The following ENTPD3 variants were observed in gnomAD, a reference collection of about 807,000 sequenced individuals.
The protein encoded by ENTPD3 is ectonucleoside triphosphate diphosphohydrolase 3.
In ENTPD3, 60 loss-of-function variants were observed where a neutral mutation model predicts 51.2. The observed-to-expected ratio is 1.17, with a 90% CI of 0.95 to 1.45. The LOEUF is 1.45. Among genes scored for constraint, ENTPD3 ranks in the 40% most tolerant of loss-of-function variants. ENTPD3 has a pLI of 0.00. For synonymous variants in ENTPD3, 221 were observed against 238.4 expected (o/e 0.93, Z 0.67); for missense variants, 593 against 641.1 (o/e 0.93, Z 0.81).
intron 3 of ENTPD3, among the ~76,000 whole-genome samples, chr3:40,397,322 G>T (rs865945648): frequency 6.6e-6 from 1 of 151,326 alleles, no homozygotes; most frequent in African/African-American, 2.4e-5. Flanking sequence ...AAACATCATG[G>T]CTATGATTAC....
intron 4 of ENTPD3, among the ~76,000 whole-genome samples, chr3:40,403,209 C>T (rs555015664): frequency 3.3e-5 from 5 of 152,244 alleles, no homozygotes; most frequent in Non-Finnish European, 7.4e-5. Context: ...ATCATCTGCC[C>T]TCCGAGGAGG....
chr3:40,413,624 A>G (rs1460044490), intron 5 of ENTPD3, among the ~76,000 whole-genome samples: 1 of 152,176 alleles, frequency 6.6e-6, no homozygotes, highest in Non-Finnish European at 1.5e-5. Context: ...CCAGTCTTTC[A>G]GTGAGAAATA....
chr3:40,409,028 G>T (rs1955567135), intron 4 of ENTPD3, among the ~76,000 whole-genome samples: 1 of 152,008 alleles, frequency 6.6e-6, no homozygotes, highest in African/African-American at 2.4e-5. Flanking sequence ...GAGGCCAAGT[G>T]GATCAGCTGA....
chr3:40,410,186 A>G (rs1162119509), intron 4 of ENTPD3, among the ~76,000 whole-genome samples: 1 of 152,220 alleles, frequency 6.6e-6, no homozygotes, highest in Non-Finnish European at 1.5e-5. Flanking sequence ...CACACCTGTA[A>G]TCCCAGCACT....
chr3:40,394,034 GC>G (rs1255490603), intron 3 of ENTPD3, among the ~76,000 whole-genome samples: 1 of 104,476 alleles, frequency 9.6e-6, no homozygotes, highest in Non-Finnish European at 1.7e-5. Context: ...GGGCAACAGA[GC>G]GAGACTCTGT....
At chr3:40,405,883 G>A (rs1955482973) in intron 4 of ENTPD3, among the ~76,000 whole-genome samples, 1 of 152,186 alleles carries the variant, frequency 6.6e-6, no homozygotes. Context: ...GAGATGTATA[G>A]TGGTTTGAAA....
intron 4 of ENTPD3, 113 bp downstream of exon 4, chr3:40,401,124 G>GGACT: frequency 1.3e-6 from 1 of 776,252 alleles, no homozygotes; most frequent in Admixed American, 2.0e-5. Flanking sequence ...AATGAGCATT[G>GGACT]GACTGGGAGT....
At chr3:40,397,921 C>T (rs942859076) in intron 3 of ENTPD3, among the ~76,000 whole-genome samples, 2 of 152,126 alleles carry the variant, frequency 1.3e-5, no homozygotes, top group Non-Finnish European at 2.9e-5. Context: ...ACTTTTTATC[C>T]GAACATCACC....
intron 7 of ENTPD3, among the ~76,000 whole-genome samples, chr3:40,420,241 CTT>C (rs879525041): frequency 2.1e-5 from 3 of 140,810 alleles, no homozygotes; most frequent in Non-Finnish European, 1.6e-5. Flanking sequence ...TTCTTTTTTT[CTT>C]TTTTTTTTTG....
At chr3:40,397,827 C>T (rs1698197156) in intron 3 of ENTPD3, among the ~76,000 whole-genome samples, 2 of 152,120 alleles carry the variant, frequency 1.3e-5, no homozygotes. Flanking sequence ...AGACTGCTTC[C>T]TTTCAGTTAA....
chr3:40,396,552 G>T (rs1268624222), intron 3 of ENTPD3, among the ~76,000 whole-genome samples: 2 of 152,074 alleles, frequency 1.3e-5, no homozygotes, highest in Non-Finnish European at 2.9e-5. Context: ...TTTATGTGAG[G>T]TTATGGTCAG....
At chr3:40,414,877 G>A (rs1955709411) in intron 6 of ENTPD3, 37 bp downstream of exon 6, 6 of 1,608,484 alleles carry the variant, frequency 3.7e-6, no homozygotes, top group South Asian at 3.3e-5. Flanking sequence ...TAATCTTACT[G>A]TTTATCCTAT....
intron 7 of ENTPD3, among the ~76,000 whole-genome samples, chr3:40,417,291 T>G (rs1955768231): frequency 6.6e-6 from 1 of 152,004 alleles, no homozygotes; most frequent in African/African-American, 2.4e-5. Context: ...AGAAAAGAGG[T>G]TTGTTTAATT....
chr3:40,416,053 T>A lies in ENTPD3; in HGVS notation c.811T>A (p.Phe271Ile), dbSNP rs1422797327. 6.2e-7 allele frequency: 1 copy of A among 1,613,816 alleles called. No individual in the cohort carries two copies. Among genetic ancestry groups the A allele is most frequent in the South Asian group, 1.1e-5 (1 of 91,034 alleles). Residue 271 changes from phenylalanine to isoleucine, a missense_variant, in exon 7 of 11, where the codon TTT becomes ATT. Phe to Ile is a conservative substitution (Grantham distance 21, BLOSUM62 0). Coordinates refer to ENST00000301825, the MANE Select transcript of ENTPD3 (RefSeq NM_001248.4). ...TGGCCGGAATGAGGCTGAGAAGAAG[T>A]TTCTGGCAATGCTCCTGCAGGTACT... ...CYGRNEAEKK[F>I]LAMLLQNSPT...
At chr3:40,406,212 T>C (rs1012551833) in intron 4 of ENTPD3, among the ~76,000 whole-genome samples, 1 of 151,994 alleles carries the variant, frequency 6.6e-6, no homozygotes, top group African/African-American at 2.4e-5. Flanking sequence ...CAATGGGCCA[T>C]GTAAATGTGT....
In ENTPD3 at chr3:40,423,734, A is replaced by G. The variant is rs939054649; in HGVS notation, c.1216-92A>G. 1.1e-5 allele frequency: 16 copies of G among 1,423,778 alleles called. No individual in the cohort carries two copies. The Admixed American group carries it at 3.1e-4, about 27-fold the overall frequency. The allele number at this position is 1,423,778 out of a possible 1,614,324, so 88.2% of individuals were successfully genotyped here. On this transcript the variant is annotated intron_variant, in intron 9 of 10. Transcript: ENST00000301825. ...ATTTTCTATTATGAAATTATGGGTGATAAGATTCTTTAAAACATGACTTTT... is the reference window on the plus strand; with the variant it reads ...ATTTTCTATTATGAAATTATGGGTGGTAAGATTCTTTAAAACATGACTTTT...
rs185381208 is a variant in ENTPD3, at chr3:40,423,230, T to C, written c.1105-61T>C. ...TAGCCACCTTCTTATTCCTCACCCA[T>C]AAACCTTTCTATTATACCCCATTCT... is the stretch of plus-strand genomic sequence containing the variant. On this transcript the variant is annotated intron_variant, in intron 8 of 10. Coordinates refer to ENST00000301825, the MANE Select transcript of ENTPD3 (RefSeq NM_001248.4). 1.3e-5 allele frequency: 20 copies of C among 1,562,724 alleles called. No homozygotes were observed. In the East Asian group the frequency reaches 4.3e-4, roughly 33 times the overall value.
intron 5 of ENTPD3, among the ~76,000 whole-genome samples, chr3:40,414,402 T>C (rs1955697638): frequency 1.3e-5 from 2 of 152,188 alleles, no homozygotes; most frequent in African/African-American, 4.8e-5. Flanking sequence ...TTTTGATACA[T>C]GAACAGATGA....
chr3:40,390,236 A>T (rs566340142), intron 2 of ENTPD3, among the ~76,000 whole-genome samples: 13 of 152,246 alleles, frequency 8.5e-5, no homozygotes, highest in Non-Finnish European at 1.6e-4. Context: ...ACAAGGTCTC[A>T]CTCTGTCACC....
Sources: allele counts gnomAD v4.1 joint callset (sites outside exome capture counted in the v4.1 genomes callset), GRCh38; gene constraint gnomAD v4.1.1; transcripts MANE v1.5; gene names NCBI Gene and HGNC (gene_info 2026-07-23, HGNC 2026-07-21).